The following USP14 variants were observed in gnomAD, a reference collection of about 807,000 sequenced individuals.
The protein encoded by USP14 is ubiquitin carboxyl-terminal hydrolase 14.
Under a neutral mutation model 76.5 loss-of-function variants are expected in USP14, and 38 were observed. That is an observed-to-expected ratio of 0.50 (90% CI 0.38 to 0.65). USP14 has a LOEUF of 0.65. USP14 is among the 30% of genes least tolerant of loss of function. USP14 has a pLI of 0.00. For synonymous variants in USP14, 192 were observed against 191.7 expected, an observed-to-expected ratio of 1.00 and a Z score of -0.01; for missense variants, 467 against 586.5, an observed-to-expected ratio of 0.80 and a Z score of 2.10.
Position 178,973 on chromosome 18 carries a change from C to G in USP14, c.236C>G (p.Pro79Arg), listed in dbSNP as rs1425186833. The G allele has an allele frequency of 1.2e-6, 2 of 1,613,306 alleles. No homozygotes were observed. The highest frequency in any genetic ancestry group is 1.7e-6 in the Non-Finnish European group (2 of 1,179,684). ...LLMMGSADALPEEPSAKTVFV... is the reference protein window; with the variant it reads ...LLMMGSADALREEPSAKTVFV... Reference sequence around the variant, plus strand: ...ATGATGGGGTCAGCAGATGCTCTTCCAGAAGAACCCTCAGCCAAAACTGTC... The same window carrying G: ...ATGATGGGGTCAGCAGATGCTCTTCGAGAAGAACCCTCAGCCAAAACTGTC... Residue 79 changes from proline to arginine, a missense_variant, in exon 4 of 16, where the codon CCA becomes CGA. Coordinates refer to ENST00000261601, the MANE Select transcript of USP14 (RefSeq NM_005151.4).
Position 180,239 on chromosome 18 carries a change from G to A in USP14, c.304G>A (p.Glu102Lys). The A allele has an allele frequency of 6.8e-7, 1 of 1,478,798 alleles. No individual in the cohort carries two copies. The highest frequency in any genetic ancestry group is 9.0e-7 in the Non-Finnish European group (1 of 1,108,026). 91.6% of individuals were successfully genotyped at this position (1,478,798 alleles called of 1,614,324 possible). ...MTEEQLASAM[E>K]LPCGLTNLGN... is the part of the protein sequence containing the mutation. Reference sequence around the variant, plus strand: ...TTTTTTTTTTTTTTCCAACTAGATGGAGTTACCATGTGGATTGACAAACCT... The same window carrying A: ...TTTTTTTTTTTTTTCCAACTAGATGAAGTTACCATGTGGATTGACAAACCT... Residue 102 changes from glutamate to lysine, a missense_variant, in exon 5 of 16, where the codon GAG becomes AAG. Physicochemically the swap from Glu to Lys is moderately conservative, Grantham distance 56. Transcript: ENST00000261601.
chr18:158,764 C>T (rs1909026217), intron 1 of USP14, 50 bp downstream of exon 1: 4 of 1,441,074 alleles, frequency 2.8e-6, no homozygotes, highest in African/African-American at 1.5e-5. Flanking sequence ...GGCGCTAGGC[C>T]TCCGCGTAGG....
intron 6 of USP14, among the ~76,000 whole-genome samples, chr18:193,514 G>A (rs934179617): frequency 6.6e-6 from 1 of 152,030 alleles, no homozygotes; most frequent in Non-Finnish European, 1.5e-5. Flanking sequence ...TATCCACAGA[G>A]TTGTGCAAAT....
chr18:199,367 A>C (rs747138059), intron 10 of USP14, 51 bp downstream of exon 10: 2 of 1,285,924 alleles, frequency 1.6e-6, no homozygotes, highest in Non-Finnish European at 2.2e-6. Flanking sequence ...CATGTTTGCG[A>C]GTAAGCCAAA....
intron 3 of USP14, among the ~76,000 whole-genome samples, chr18:170,029 C>G (rs1471293917): frequency 6.6e-6 from 1 of 152,020 alleles, no homozygotes; most frequent in Non-Finnish European, 1.5e-5. Context: ...AGGCTGAGCG[C>G]GGTGGCTCAC....
rs752623450 is a variant in USP14 at position 180,225 on chromosome 18, T to C, written c.301-11T>C. On this transcript the variant is annotated splice_polypyrimidine_tract_variant and intron_variant, in intron 4 of 15. Transcript: ENST00000261601. Reference sequence around the variant, plus strand: ...ATGATTTAATCCTTTTTTTTTTTTTTTTCCAACTAGATGGAGTTACCATGT... The same window carrying C: ...ATGATTTAATCCTTTTTTTTTTTTTCTTCCAACTAGATGGAGTTACCATGT... 6 of 1,436,710 alleles carry C rather than the reference T, an allele frequency of 4.2e-6. No individual in the cohort carries two copies. The highest frequency in any genetic ancestry group is 4.7e-6 in the Non-Finnish European group (5 of 1,069,918). The allele number at this position is 1,436,710 out of a possible 1,614,324, so 89.0% of individuals were successfully genotyped here. A position where few individuals can be genotyped will look rare whatever the true frequency, so the allele number is the denominator to read the frequency against.
intron 5 of USP14, among the ~76,000 whole-genome samples, chr18:191,068 G>A (rs1910071749): frequency 6.6e-6 from 1 of 152,076 alleles, no homozygotes; most frequent in African/African-American, 2.4e-5. Context: ...TTCAGTAACA[G>A]CAGCGATTAT....
At chr18:165,719 C>G (rs1484720118) in intron 2 of USP14, among the ~76,000 whole-genome samples, 1 of 152,122 alleles carries the variant, frequency 6.6e-6, no homozygotes, top group African/African-American at 2.4e-5. Flanking sequence ...GTTCACTTCC[C>G]AGTTTTGTGT....
At chr18:186,657 G>A (rs1909938271) in intron 5 of USP14, among the ~76,000 whole-genome samples, 1 of 151,598 alleles carries the variant, frequency 6.6e-6, no homozygotes, top group Admixed American at 6.6e-5. Context: ...GGAGGCTGAG[G>A]CAGGTGGGTC....
In USP14 at chr18:162,092, A is replaced by G. The variant is rs114124773; in HGVS notation, c.17-1216A>G. 6.5e-3 allele frequency among the ~76,000 whole-genome samples: 988 copies of G among 152,286 alleles called. 8 individuals carry two copies. The highest frequency in any genetic ancestry group is 0.022 in the African/African-American group (923 of 41,558). ...GAGTTTCTTTCCTTTTTAAGGTTGA[A>G]TAATATTCCGTTGTATGTATATACC... On this transcript the variant is annotated intron_variant, in intron 1 of 15. Coordinates refer to ENST00000261601, the MANE Select transcript of USP14 (RefSeq NM_005151.4).
intron 5 of USP14, among the ~76,000 whole-genome samples, chr18:184,262 CAA>C (rs1367421356): frequency 1.3e-5 from 2 of 152,052 alleles, no homozygotes; most frequent in East Asian, 3.9e-4. Flanking sequence ...TAAATTTTCT[CAA>C]GAGAGTGCAC....
At chr18:180,136 A>G (rs1909745674) in intron 4 of USP14, 100 bp from the exon 5 acceptor site, 5 of 566,664 alleles carry the variant, frequency 8.8e-6, no homozygotes, top group Non-Finnish European at 1.2e-5. Flanking sequence ...AGTAAATGGT[A>G]CTTGATTCAA....
intron 13 of USP14, 131 bp downstream of exon 13, chr18:204,823 A>G (rs1367765586): frequency 6.1e-6 from 4 of 660,026 alleles, no homozygotes; most frequent in Admixed American, 4.1e-5. Context: ...TATTTGGATC[A>G]ATCTGTATTA....
At chr18:204,984 C>T (rs1432850202) in intron 13 of USP14, among the ~76,000 whole-genome samples, 1 of 151,886 alleles carries the variant, frequency 6.6e-6, no homozygotes, top group Admixed American at 6.6e-5. Context: ...AAATGATCCT[C>T]CCACCTCACC....
At chr18:166,698 T>G in intron 2 of USP14, 89 bp from the exon 3 acceptor site, 1 of 1,424,600 alleles carries the variant, frequency 7.0e-7, no homozygotes, top group Non-Finnish European at 9.6e-7. Context: ...TTTTATTCTG[T>G]TTTGAAGTAC....
At chr18:187,386 G>A (rs1030022873) in intron 5 of USP14, among the ~76,000 whole-genome samples, 4 of 152,116 alleles carry the variant, frequency 2.6e-5, no homozygotes, top group African/African-American at 9.7e-5. Context: ...TTACTGGATA[G>A]TTTGATCCAT....
At chr18:171,023 A>AG (rs1555762329) in intron 3 of USP14, among the ~76,000 whole-genome samples, 2 of 46,850 alleles carry the variant, frequency 4.3e-5, no homozygotes, top group Non-Finnish European at 8.8e-5. Flanking sequence ...AAAAAAAAAA[A>AG]AAATATATAT....
chr18:161,003 C>T (rs974065657), intron 1 of USP14, among the ~76,000 whole-genome samples: 19 of 152,182 alleles, frequency 1.2e-4, no homozygotes, highest in Non-Finnish European at 2.5e-4. Flanking sequence ...TGTTGGCTCA[C>T]TGCGACCTCC....
rs1050289514 is a variant in USP14, at chr18:214,126, AGT to A, written c.*2844_*2845del. 1 of 154,864 alleles carries A rather than the reference AGT, an allele frequency of 6.5e-6. No individual in the cohort carries two copies. The highest frequency in any genetic ancestry group is 2.4e-5 in the African/African-American group (1 of 41,428). The allele number at this position is 154,864 out of a possible 1,614,324, so 9.6% of individuals were successfully genotyped here. On this transcript the variant is annotated 3_prime_UTR_variant, in exon 16 of 16. Coordinates refer to ENST00000261601, the MANE Select transcript of USP14 (RefSeq NM_005151.4). ...ATAGACAGTTAGTTAGTTAGTTATG[AGT>A]GAGCACAGCTGGGTGCCAGTACAAT...
Sources: gnomAD v4.1 joint callset for allele counts (sites outside exome capture counted in the v4.1 genomes callset) on GRCh38, gnomAD v4.1.1 for gene constraint, MANE v1.5 for transcripts, NCBI Gene and HGNC (gene_info 2026-07-23, HGNC 2026-07-21) for gene names.